Variants in PGPEP1L observed in about 807,000 individuals in gnomAD.
The protein encoded by PGPEP1L is pyroglutamyl-peptidase I like.
PGPEP1L carries 7 observed loss-of-function variants against 6.0 expected under a neutral mutation model. The observed-to-expected ratio is 1.17, with a 90% CI of 0.66 to 2.19. The LOEUF (loss-of-function observed/expected upper bound fraction) is 2.19. Ranked by LOEUF, PGPEP1L falls within the 30% of genes most tolerant of loss-of-function variation. The pLI is 0.00. For synonymous variants in PGPEP1L, 103 were observed against 83.9 expected (o/e 1.23, Z -1.24); for missense variants, 209 against 192.5 (o/e 1.09, Z -0.51).
intron 2 of PGPEP1L, among the ~76,000 whole-genome samples, chr15:98,983,448 G>T (rs1262702961): frequency 2.0e-5 from 3 of 152,160 alleles, no homozygotes; most frequent in Non-Finnish European, 4.4e-5. Flanking sequence ...TGCCTAGGCT[G>T]TATTTTAAGT....
rs928070404 is a variant in PGPEP1L, at chr15:98,978,928, C to T, written c.-141-7770G>A. On this transcript the variant is annotated intron_variant, in intron 2 of 4. Coordinates refer to ENST00000535714, the MANE Select transcript of PGPEP1L (RefSeq NM_001167902.2). ...TGTTTTTAGTAGAGATGGGGTTTTACCATGTTGGCCAGGATGGTCTCGATC... is the reference window on the plus strand; with the variant it reads ...TGTTTTTAGTAGAGATGGGGTTTTATCATGTTGGCCAGGATGGTCTCGATC... 6.1e-4 allele frequency among the ~76,000 whole-genome samples: 92 copies of T among 151,844 alleles called. 1 individual carries two copies. Among genetic ancestry groups the T allele is most frequent in the African/African-American group, 1.7e-3 (71 of 41,382 alleles).
intron 2 of PGPEP1L, chr15:98,998,224 T>C (rs1378477810): frequency 6.6e-6 from 1 of 152,662 alleles, no homozygotes; most frequent in Non-Finnish European, 1.5e-5. Context: ...CCTCTACTCC[T>C]GGCTGCACTC....
At chr15:99,006,075 T>C (rs1383114864) in intron 1 of PGPEP1L, among the ~76,000 whole-genome samples, 1 of 152,254 alleles carries the variant, frequency 6.6e-6, no homozygotes, top group Admixed American at 6.5e-5. Context: ...ATGAATCTTA[T>C]GGCGCCTGCC....
At chr15:99,002,047 T>C (rs1555473118) in intron 2 of PGPEP1L, among the ~76,000 whole-genome samples, 1 of 152,200 alleles carries the variant, frequency 6.6e-6, no homozygotes, top group African/African-American at 2.4e-5. Flanking sequence ...GATCTCACTC[T>C]GTCATGCAGG....
intron 2 of PGPEP1L, among the ~76,000 whole-genome samples, chr15:98,977,788 G>T (rs895700790): frequency 1.3e-5 from 2 of 152,210 alleles, no homozygotes; most frequent in Non-Finnish European, 2.9e-5. Flanking sequence ...ACTATTAACT[G>T]TGAATTTATC....
intron 2 of PGPEP1L, among the ~76,000 whole-genome samples, chr15:98,982,601 T>G (rs989435911): frequency 6.6e-6 from 1 of 151,816 alleles, no homozygotes; most frequent in Non-Finnish European, 1.5e-5. Flanking sequence ...CAGGACATGG[T>G]TGACGCTGAG....
chr15:99,007,138 T>C lies in PGPEP1L; in HGVS notation c.-370+221A>G, dbSNP rs1376542667. Among the ~76,000 whole-genome samples the C allele has an allele frequency of 3.3e-5, 5 of 152,354 alleles. No individual in the cohort carries two copies. In the East Asian group the frequency reaches 7.7e-4, roughly 23 times the overall value. The stretch of plus-strand genomic sequence containing the variant: ...TAGCTCCTGGTGTGGGCTGCAGGCC[T>C]CTTCACTGCCAACAGGTGGGAAGCG... On this transcript the variant is annotated intron_variant, in intron 1 of 4. Coordinates refer to ENST00000535714, the MANE Select transcript of PGPEP1L (RefSeq NM_001167902.2).
chr15:99,006,627 A>G (rs1270820273), intron 1 of PGPEP1L, among the ~76,000 whole-genome samples: 1 of 152,222 alleles, frequency 6.6e-6, no homozygotes, highest in African/African-American at 2.4e-5. Flanking sequence ...CCAGGAGTTC[A>G]AGATCAACCT....
intron 2 of PGPEP1L, among the ~76,000 whole-genome samples, chr15:98,983,186 A>T (rs2017694139): frequency 6.6e-6 from 1 of 151,644 alleles, no homozygotes; most frequent in African/African-American, 2.4e-5. Context: ...AATCAAGAGA[A>T]ACAATTTTCT....
chr15:98,988,674 AC>A (rs60242090), intron 2 of PGPEP1L, among the ~76,000 whole-genome samples: 152,162 of 152,162 alleles, frequency 1, 76,081 homozygotes, highest in Non-Finnish European at 1. Flanking sequence ...TGGGTCCCTG[AC>A]CCCCCACGTA....
chr15:98,973,721 G>T (rs1309782672), intron 2 of PGPEP1L, among the ~76,000 whole-genome samples: 1 of 152,144 alleles, frequency 6.6e-6, no homozygotes, highest in Non-Finnish European at 1.5e-5. Flanking sequence ...TAAGAGGGAA[G>T]ATTATAGCAA....
intron 2 of PGPEP1L, among the ~76,000 whole-genome samples, chr15:99,002,184 T>C (rs1334002747): frequency 3.3e-5 from 5 of 152,136 alleles, no homozygotes; most frequent in East Asian, 1.9e-4. Context: ...ATTAATTTTT[T>C]GTATTTTTGC....
intron 2 of PGPEP1L, among the ~76,000 whole-genome samples, chr15:98,989,928 T>G (rs2017797334): frequency 6.6e-6 from 1 of 152,086 alleles, no homozygotes; most frequent in Non-Finnish European, 1.5e-5. Context: ...GACAAGCAAG[T>G]GCTGAGAGAT....
At chr15:98,972,600 G>C (rs1250892643) in intron 2 of PGPEP1L, among the ~76,000 whole-genome samples, 2 of 151,982 alleles carry the variant, frequency 1.3e-5, no homozygotes, top group Non-Finnish European at 1.5e-5. Context: ...CGGGCACAGT[G>C]GCTCACGCCT....
chr15:98,978,523 A>AAAAGGTTTGCCCAG (rs1279013514), intron 2 of PGPEP1L, among the ~76,000 whole-genome samples: 2 of 152,024 alleles, frequency 1.3e-5, no homozygotes, highest in Non-Finnish European at 2.9e-5. Context: ...TGGAGATGAG[A>AAAAGGTTTGCCCAG]AAAGGTTTGC....
chr15:98,970,210 A>C (rs1162664745), intron 3 of PGPEP1L, among the ~76,000 whole-genome samples: 1 of 151,076 alleles, frequency 6.6e-6, no homozygotes, highest in African/African-American at 2.4e-5. Flanking sequence ...CGCCCAGCTA[A>C]TTTTTGTATT....
rs530009783 is a variant in PGPEP1L at position 99,005,674 on chromosome 15, A to C, written c.-369-18T>G. On this transcript the variant is annotated intron_variant, in intron 1 of 4. Transcript: ENST00000535714. ...CCAAGGATCTAGGGGAGGGTGATAA[A>C]GCAATGCCCCTTGAAAGCAGAACGA... 82 of 152,400 alleles carry C rather than the reference A, an allele frequency of 5.4e-4. No individual in the cohort carries two copies. Among genetic ancestry groups the C allele is most frequent in the African/African-American group, 1.9e-3 (80 of 41,590 alleles). 9.4% of individuals were successfully genotyped at this position (152,400 alleles called of 1,614,324 possible). A position where few individuals can be genotyped will look rare whatever the true frequency, so the allele number is the denominator to read the frequency against.
rs570952532 is a variant in PGPEP1L at position 98,996,180 on chromosome 15, T to C, written c.-142+9249A>G. 5.3e-5 allele frequency among the ~76,000 whole-genome samples: 8 copies of C among 152,364 alleles called. No homozygotes were observed. In the South Asian group the frequency reaches 6.2e-4, roughly 12 times the overall value. On this transcript the variant is annotated intron_variant, in intron 2 of 4. Coordinates refer to ENST00000535714, the MANE Select transcript of PGPEP1L (RefSeq NM_001167902.2). Reference sequence around the variant, plus strand: ...CTTGAGCTTCTAAATCTGCTTCTGCTGATTCCTACTCATGGTAGTTTGCTT... The same window carrying C: ...CTTGAGCTTCTAAATCTGCTTCTGCCGATTCCTACTCATGGTAGTTTGCTT...
intron 2 of PGPEP1L, among the ~76,000 whole-genome samples, chr15:98,996,765 A>G (rs1319902758): frequency 6.6e-6 from 1 of 152,032 alleles, no homozygotes; most frequent in African/African-American, 2.4e-5. Flanking sequence ...CAGAGGCTCT[A>G]TCTTACCTAG....
Sources: gnomAD v4.1 joint callset for allele counts (sites outside exome capture counted in the v4.1 genomes callset) on GRCh38, gnomAD v4.1.1 for gene constraint, MANE v1.5 for transcripts, NCBI Gene and HGNC (gene_info 2026-07-23, HGNC 2026-07-21) for gene names.